PTPRD: variants seen among roughly 807,000 people sequenced by gnomAD.
PTPRD encodes the protein receptor-type tyrosine-protein phosphatase delta.
PTPRD carries 34 observed loss-of-function variants against 214.5 expected under a neutral mutation model. The observed-to-expected ratio is 0.16, with a 90% CI of 0.12 to 0.21. The LOEUF (loss-of-function observed/expected upper bound fraction) is 0.21. PTPRD is among the 10% of genes least tolerant of loss of function. The pLI, the probability that PTPRD is intolerant of heterozygous loss-of-function variation, is 1.00. For synonymous variants in PTPRD, 1,128 were observed against 845.7 expected (o/e 1.33, Z -5.79); for missense variants, 2,545 against 2,398.7 (o/e 1.06, Z -1.27).
At chr9:9,112,676 A>G (rs1249446098) in intron 10 of PTPRD, among the ~76,000 whole-genome samples, 1 of 152,176 alleles carries the variant, frequency 6.6e-6, no homozygotes, top group East Asian at 1.9e-4. Flanking sequence ...GGCAAAATGA[A>G]AAGCTTTTAA....
intron 9 of PTPRD, among the ~76,000 whole-genome samples, chr9:9,321,933 T>C (rs1966785829): frequency 6.6e-6 from 1 of 152,180 alleles, no homozygotes; most frequent in Admixed American, 6.5e-5. Flanking sequence ...TTTATCGCTC[T>C]CATTAAAATA....
intron 7 of PTPRD, among the ~76,000 whole-genome samples, chr9:9,662,772 T>C (rs10759085): frequency 0.41 from 62,465 of 151,336 alleles, 13,167 homozygotes; most frequent in Admixed American, 0.53. Flanking sequence ...AGAAATGGGA[T>C]TGCTATAAGG....
chr9:8,792,720 G>A (rs971327522), intron 11 of PTPRD, among the ~76,000 whole-genome samples: 7 of 152,066 alleles, frequency 4.6e-5, no homozygotes, highest in Non-Finnish European at 8.8e-5. Flanking sequence ...ACTATTGATA[G>A]AAGAAGACGC....
intron 4 of PTPRD, among the ~76,000 whole-genome samples, chr9:10,031,754 T>A (rs1393969786): frequency 6.6e-6 from 1 of 150,830 alleles, no homozygotes; most frequent in Non-Finnish European, 1.5e-5. Flanking sequence ...CAGAGCCTAT[T>A]TTTTTTATGG....
intron 12 of PTPRD, among the ~76,000 whole-genome samples, chr9:8,730,746 T>G (rs1017647932): frequency 6.6e-6 from 1 of 152,214 alleles, no homozygotes; most frequent in African/African-American, 2.4e-5. Flanking sequence ...ATATGAATCT[T>G]TAATCTGCAT....
Position 9,931,625 on chromosome 9 carries a change from T to A in PTPRD, c.-368+6882A>T, listed in dbSNP as rs2086615060. On this transcript the variant is annotated intron_variant, in intron 5 of 45. Coordinates refer to ENST00000381196, the MANE Select transcript of PTPRD (RefSeq NM_002839.4). ...CTAGCACAGCAGTCTGAGATCAAAC[T>A]GCAAGACGGCAACGAGGCTGGGGGA... is the stretch of plus-strand genomic sequence containing the variant. Among the ~76,000 whole-genome samples the A allele has an allele frequency of 2.6e-5, 4 of 151,726 alleles. No individual in the cohort carries two copies. In the South Asian group the frequency reaches 8.4e-4, roughly 32 times the overall value.
chr9:8,730,724 T>C (rs955421471), intron 12 of PTPRD, among the ~76,000 whole-genome samples: 1 of 152,208 alleles, frequency 6.6e-6, no homozygotes. Flanking sequence ...GAGGATTACA[T>C]TACTATAATC....
chr9:9,380,508 T>C (rs1412347263), intron 9 of PTPRD, among the ~76,000 whole-genome samples: 1 of 152,150 alleles, frequency 6.6e-6, no homozygotes, highest in African/African-American at 2.4e-5. Context: ...GTTATCTTTC[T>C]GTTATTGATT....
At chr9:9,505,340 C>T (rs568844543) in intron 8 of PTPRD, among the ~76,000 whole-genome samples, 7 of 151,556 alleles carry the variant, frequency 4.6e-5, no homozygotes, top group East Asian at 3.9e-4. Flanking sequence ...ATTTTTCAAT[C>T]GTGTTGGTCT....
At chr9:8,563,878 C>T (rs2087611719) in intron 14 of PTPRD, among the ~76,000 whole-genome samples, 1 of 152,102 alleles carries the variant, frequency 6.6e-6, no homozygotes, top group Non-Finnish European at 1.5e-5. Context: ...TCAGACAGGC[C>T]AGTCTTGAAC....
intron 5 of PTPRD, among the ~76,000 whole-genome samples, chr9:9,906,501 T>A: frequency 6.6e-6 from 1 of 152,004 alleles, no homozygotes; most frequent in Non-Finnish European, 1.5e-5. Context: ...TTATTTTCTG[T>A]TACATGATGA....
chr9:8,680,864 G>A (rs1275549139), intron 12 of PTPRD, among the ~76,000 whole-genome samples: 2 of 152,182 alleles, frequency 1.3e-5, no homozygotes, highest in Admixed American at 6.5e-5. Context: ...AATCCAACAT[G>A]TAGTCGAATG....
At chr9:10,257,513 G>T (rs1260802718) in intron 3 of PTPRD, among the ~76,000 whole-genome samples, 1 of 152,164 alleles carries the variant, frequency 6.6e-6, no homozygotes, top group Admixed American at 6.5e-5. Context: ...GGCAAGCACA[G>T]AAATAAAAGA....
At chr9:8,779,362 TCA>T (rs1187826520) in intron 11 of PTPRD, among the ~76,000 whole-genome samples, 2 of 151,920 alleles carry the variant, frequency 1.3e-5, no homozygotes, top group African/African-American at 2.4e-5. Flanking sequence ...AAAACATCTC[TCA>T]GTTATCTGTC....
intron 4 of PTPRD, among the ~76,000 whole-genome samples, chr9:9,964,581 G>A (rs951624770): frequency 6.6e-6 from 1 of 152,076 alleles, no homozygotes; most frequent in South Asian, 2.1e-4. Flanking sequence ...TAGGAGTGGG[G>A]CAAATCTACT....
At chr9:8,440,314 GTAT>G (rs1190033395) in intron 34 of PTPRD, among the ~76,000 whole-genome samples, 1 of 126,216 alleles carries the variant, frequency 7.9e-6, no homozygotes, top group Non-Finnish European at 1.7e-5. Flanking sequence ...CAATAGAAAT[GTAT>G]TATTTTTTTT....
chr9:10,287,527 T>C (rs893743870), intron 3 of PTPRD, among the ~76,000 whole-genome samples: 1 of 152,130 alleles, frequency 6.6e-6, no homozygotes, highest in Admixed American at 6.5e-5. Flanking sequence ...CCGCCATTGC[T>C]ACTGCATGTA....
intron 35 of PTPRD, among the ~76,000 whole-genome samples, chr9:8,428,626 C>A (rs866417013): frequency 6.6e-6 from 1 of 152,026 alleles, no homozygotes; most frequent in African/African-American, 2.4e-5. Flanking sequence ...AGTGGGGGAA[C>A]CACCTTCAAG....
intron 30 of PTPRD, among the ~76,000 whole-genome samples, chr9:8,479,701 A>C (rs1435925496): frequency 6.6e-6 from 1 of 152,248 alleles, no homozygotes; most frequent in African/African-American, 2.4e-5. Flanking sequence ...AATTTGGTGA[A>C]CAGCCTCTAA....
Sources: allele counts gnomAD v4.1 joint callset (sites outside exome capture counted in the v4.1 genomes callset), GRCh38; gene constraint gnomAD v4.1.1; transcripts MANE v1.5; gene names NCBI Gene and HGNC (gene_info 2026-07-23, HGNC 2026-07-21).